ARHGAP8: variants seen among roughly 807,000 people sequenced by gnomAD.
The protein encoded by ARHGAP8 is Rho GTPase activating protein 8.
In ARHGAP8, 62 loss-of-function variants were observed where a neutral mutation model predicts 46.1. The ratio of observed to expected loss-of-function variants is 1.34; its 90% CI spans 1.10 to 1.66. The LOEUF (loss-of-function observed/expected upper bound fraction) is 1.66, where lower values mean the gene tolerates loss of function less well. Among genes scored for constraint, ARHGAP8 ranks in the 40% most tolerant of loss-of-function variants. ARHGAP8 has a pLI of 0.00. For synonymous variants in ARHGAP8, 375 were observed against 243.1 expected, an observed-to-expected ratio of 1.54 and a Z score of -5.05; for missense variants, 923 against 568.4, an observed-to-expected ratio of 1.62 and a Z score of -6.34.
intron 1 of ARHGAP8, among the ~76,000 whole-genome samples, chr22:44,772,057 C>G (rs993488233): frequency 2.0e-5 from 3 of 152,000 alleles, no homozygotes; most frequent in Admixed American, 6.6e-5. Flanking sequence ...TTGCTCTCTA[C>G]ATGGTTTAAG....
intron 5 of ARHGAP8, 46 bp from the exon 6 acceptor site, chr22:44,822,325 T>A: frequency 6.5e-7 from 1 of 1,539,710 alleles, no homozygotes; most frequent in Non-Finnish European, 8.7e-7. Context: ...TCGGCCTCTC[T>A]GCTGGCGCCT....
chr22:44,798,265 T>G (rs911686645), intron 2 of ARHGAP8, among the ~76,000 whole-genome samples: 6 of 151,884 alleles, frequency 4.0e-5, no homozygotes, highest in African/African-American at 1.4e-4. Flanking sequence ...AGTGAGCCAC[T>G]GCACCTGGCC....
At chr22:44,802,212 T>A in intron 3 of ARHGAP8, 48 bp downstream of exon 3, 1 of 1,606,622 alleles carries the variant, frequency 6.2e-7, no homozygotes, top group Non-Finnish European at 8.5e-7. Flanking sequence ...TCCATGTTGC[T>A]TGTCCCCATC....
chr22:44,817,464 A>G (rs956183720), intron 5 of ARHGAP8, among the ~76,000 whole-genome samples: 2 of 152,238 alleles, frequency 1.3e-5, no homozygotes, highest in African/African-American at 4.8e-5. Context: ...GACATGTGAC[A>G]TATTTGACAT....
chr22:44,825,453 G>A, intron 6 of ARHGAP8, 30 bp from the exon 7 acceptor site: 1 of 1,594,768 alleles, frequency 6.3e-7, no homozygotes, highest in Non-Finnish European at 8.6e-7. Context: ...CCCCTGCCAG[G>A]TGAGATCCCA....
intron 10 of ARHGAP8, among the ~76,000 whole-genome samples, chr22:44,858,694 GC>G (rs1204547625): frequency 6.6e-6 from 1 of 151,090 alleles, no homozygotes; most frequent in African/African-American, 2.4e-5. Flanking sequence ...TGACTGGAAG[GC>G]TATGGAGCTC....
At chr22:44,790,275 A>G (rs1927562569) in intron 2 of ARHGAP8, among the ~76,000 whole-genome samples, 1 of 152,056 alleles carries the variant, frequency 6.6e-6, no homozygotes, top group Non-Finnish European at 1.5e-5. Flanking sequence ...GATGTTTTTA[A>G]AAACGTCCAG....
intron 7 of ARHGAP8, among the ~76,000 whole-genome samples, chr22:44,829,196 C>T (rs1602235702): frequency 6.9e-6 from 1 of 145,900 alleles, no homozygotes; most frequent in South Asian, 2.2e-4. Context: ...GAGCCTGAGG[C>T]AGGAGAATTG....
Position 44,862,774 on chromosome 22 carries a change from G to C in ARHGAP8, c.*179G>C. 1.4e-6 allele frequency: 1 copy of C among 719,334 alleles called. No homozygotes were observed. 44.6% of individuals were successfully genotyped at this position (719,334 alleles called of 1,614,324 possible). A position where few individuals can be genotyped will look rare whatever the true frequency, so the allele number is the denominator to read the frequency against. ...TCCATGGTTCCTGAGCTGTGGACCGGGATAGAATAATGCATTTGTTAGGAT... is the reference window on the plus strand; with the variant it reads ...TCCATGGTTCCTGAGCTGTGGACCGCGATAGAATAATGCATTTGTTAGGAT... On this transcript the variant is annotated 3_prime_UTR_variant, in exon 12 of 12. Transcript: ENST00000356099.
intron 1 of ARHGAP8, among the ~76,000 whole-genome samples, chr22:44,760,836 C>A (rs1032042562): frequency 1.3e-5 from 2 of 152,158 alleles, no homozygotes; most frequent in African/African-American, 4.8e-5. Context: ...TGCAGCTGGC[C>A]CAGCCCCACA....
chr22:44,849,045 A>T lies in ARHGAP8; in HGVS notation c.862A>T (p.Ile288Phe), dbSNP rs1247804423. The change falls in exon 10 of 12, where the codon ATT becomes TTT. Residue 288 changes from isoleucine to phenylalanine, a missense_variant. Physicochemically the swap from Ile to Phe is conservative, Grantham distance 21 (BLOSUM62 0). Transcript: ENST00000356099. The part of the protein sequence containing the change: ...PLLTFQAYEQ[I>F]LGITCVESSL... ...TCTGACCTTCCAGGCCTACGAGCAG[A>T]TTCTCGGGATCACCTGTGCGTAGCT... 6.2e-7 allele frequency: 1 copy of T among 1,613,918 alleles called. No individual in the cohort carries two copies. Among genetic ancestry groups the T allele is most frequent in the Non-Finnish European group, 8.5e-7 (1 of 1,179,944 alleles).
At chr22:44,860,963 T>C (rs1319956869) in intron 11 of ARHGAP8, among the ~76,000 whole-genome samples, 1 of 151,258 alleles carries the variant, frequency 6.6e-6, no homozygotes, top group Non-Finnish European at 1.5e-5. Context: ...TCCCTGTTGC[T>C]TGACATAATT....
intron 1 of ARHGAP8, among the ~76,000 whole-genome samples, chr22:44,753,206 C>T (rs1159241371): frequency 2.7e-5 from 4 of 149,874 alleles, no homozygotes; most frequent in African/African-American, 4.9e-5. Flanking sequence ...TGGAACCCCC[C>T]GGGAGTTAAA....
intron 3 of ARHGAP8, among the ~76,000 whole-genome samples, chr22:44,807,068 G>A (rs113025424): frequency 0.024 from 3,613 of 152,288 alleles, 78 homozygotes; most frequent in Non-Finnish European, 0.035. Flanking sequence ...GGCACAGGCT[G>A]CTGCGGCTTT....
At chr22:44,854,695 A>G (rs1051408576) in intron 10 of ARHGAP8, among the ~76,000 whole-genome samples, 5 of 151,910 alleles carry the variant, frequency 3.3e-5, no homozygotes, top group African/African-American at 1.2e-4. Context: ...CTGGAGTGCA[A>G]TGGCACCATC....
intron 2 of ARHGAP8, among the ~76,000 whole-genome samples, chr22:44,801,296 T>C (rs1428689269): frequency 1.5e-5 from 1 of 66,528 alleles, no homozygotes; most frequent in Non-Finnish European, 2.7e-5. Context: ...CGCAGCTGTC[T>C]TTGTGTGGGG....
At chr22:44,825,222 G>A (rs932281072) in intron 6 of ARHGAP8, among the ~76,000 whole-genome samples, 1 of 152,124 alleles carries the variant, frequency 6.6e-6, no homozygotes. Context: ...AGGTGAGGCT[G>A]CTCTGCTGGC....
intron 7 of ARHGAP8, among the ~76,000 whole-genome samples, chr22:44,831,105 G>A (rs4823388): frequency 0.2 from 30,229 of 151,978 alleles, 4,020 homozygotes; most frequent in East Asian, 0.7. Flanking sequence ...GTTTTCTTCC[G>A]TCCTATGTGT....
chr22:44,753,770 C>A (rs373400053), intron 1 of ARHGAP8, among the ~76,000 whole-genome samples: 2 of 152,156 alleles, frequency 1.3e-5, no homozygotes, highest in African/African-American at 4.8e-5. Context: ...GGGGACAGCA[C>A]CTTGGCCACC....
Sources: gnomAD v4.1 joint callset for allele counts (sites outside exome capture counted in the v4.1 genomes callset) on GRCh38, gnomAD v4.1.1 for gene constraint, MANE v1.5 for transcripts, NCBI Gene and HGNC (gene_info 2026-07-23, HGNC 2026-07-21) for gene names.